FER1L5: variants seen among roughly 807,000 people sequenced by gnomAD.
The protein encoded by FER1L5 is fer-1 like family member 5.
A neutral mutation model predicts 279.9 loss-of-function variants in FER1L5; 187 were observed. That is an observed-to-expected ratio of 0.67 (90% confidence interval 0.59 to 0.75). The LOEUF is 0.75. Among genes scored for constraint, FER1L5 ranks in the 30% least tolerant of loss-of-function variants. The probability of loss-of-function intolerance (pLI) is 0.00; values close to 1 mark genes in which losing one functional copy is unlikely to be tolerated. For missense variants in FER1L5, 2,091 were observed against 2,594.4 expected (o/e 0.81, Z 4.21); for synonymous variants, 921 against 989.7 (o/e 0.93, Z 1.30).
intron 9 of FER1L5, chr2:96,654,770 G>A: frequency 5.4e-6 from 1 of 186,622 alleles, no homozygotes; most frequent in Non-Finnish European, 1.1e-5. Flanking sequence ...GAGGTGGCGG[G>A]TGCCTGTAGT....
rs574706332 is a variant in FER1L5 at position 96,698,104 on chromosome 2, A to G, written c.4304A>G (p.Lys1435Arg). 1.3e-6 allele frequency: 2 copies of G among 1,587,880 alleles called. No individual in the cohort carries two copies. The highest frequency in any genetic ancestry group is 2.3e-5 in the East Asian group (1 of 43,344). ...CTGCAGGACTTCTGCCAGACCTTCA[A>G]ACTCTACCAGGAGCAGCCCAAGTTG... ...QGLQDFCQTF[K>R]LYQEQPKLDS... Residue 1435 changes from lysine (K) to arginine (R), a missense_variant, in exon 40 of 53, where the codon AAA (lysine) becomes AGA (arginine). By Grantham distance (26) the Lys-to-Arg change is conservative. Transcript: ENST00000624922. The surrounding 1 kb of genome is among the most constrained non-coding windows in gnomAD (Gnocchi z 5.5).
At chr2:96,656,519 A>G (rs1469821632) in intron 9 of FER1L5, among the ~76,000 whole-genome samples, 1 of 152,182 alleles carries the variant, frequency 6.6e-6, no homozygotes, top group Non-Finnish European at 1.5e-5. Context: ...AATCCCAGCT[A>G]CTCATGAGGC....
rs548455315 is a variant in FER1L5, at chr2:96,662,475, C to T, written c.1071+208C>T. Among the ~76,000 whole-genome samples, 21 of 152,214 alleles carry T rather than the reference C, an allele frequency of 1.4e-4. 1 individual carries two copies. Among genetic ancestry groups the T allele is most frequent in the African/African-American group, 4.6e-4 (19 of 41,544 alleles). On this transcript the variant is annotated intron_variant, in intron 13 of 52. Transcript: ENST00000624922. ...AGATGCCCCCCAAAAACCAAATACACGTGGAAGAATGAGTGCGTGAATGAA... is the reference window on the plus strand; with the variant it reads ...AGATGCCCCCCAAAAACCAAATACATGTGGAAGAATGAGTGCGTGAATGAA...
chr2:96,657,022 G>A (rs2075624213), intron 9 of FER1L5, among the ~76,000 whole-genome samples: 1 of 150,932 alleles, frequency 6.6e-6, no homozygotes, highest in African/African-American at 2.4e-5. Context: ...TTCATTGGGA[G>A]TGACTGAATT....
At chr2:96,651,349 T>G (rs1227718626) in intron 6 of FER1L5, among the ~76,000 whole-genome samples, 5 of 151,304 alleles carry the variant, frequency 3.3e-5, no homozygotes, top group Non-Finnish European at 7.4e-5. Context: ...CTTCTTTCTT[T>G]CTTTTTCTTT....
intron 14 of FER1L5, among the ~76,000 whole-genome samples, chr2:96,665,546 G>A (rs1349006099): frequency 1.3e-5 from 2 of 151,886 alleles, no homozygotes; most frequent in African/African-American, 4.8e-5. Context: ...ATGTTCTGTG[G>A]CTGTTCAGAG....
At position 96,661,438 on chromosome 2, in the gene FER1L5, C is replaced by T. The variant is rs765462572; in HGVS notation, c.892C>T (p.Leu298=). 3.9e-6 allele frequency: 6 copies of T among 1,551,218 alleles called. No individual in the cohort carries two copies. The South Asian group carries it at 4.8e-5, about 12-fold the overall frequency. Residue 298 remains leucine (L), a splice_region_variant and synonymous_variant, in exon 11 of 53, where the codon CTG becomes TTG. Transcript: ENST00000624922. ...IYALGVGDQA[L]IDQKLLYGTD... The stretch of plus-strand genomic sequence containing the variant: ...TGCCCTCGGTGTGGGAGACCAGGCC[C>T]TGGTGAGCTGCCCCTAACCCCGGAA...
rs577416836 is a variant in FER1L5, at chr2:96,669,403, G to A, written c.1362+266G>A. Among the ~76,000 whole-genome samples, 10 of 152,338 alleles carry A rather than the reference G, an allele frequency of 6.6e-5. No individual in the cohort carries two copies. The South Asian group carries it at 2.1e-3, about 32-fold the overall frequency. ...GTAAGATTTTCAGCAGGTGGGAAGG[G>A]CGCGAAGGACGGAGGACACAGCACA... On this transcript the variant is annotated intron_variant, in intron 17 of 52. Coordinates refer to ENST00000624922, the MANE Select transcript of FER1L5 (RefSeq NM_001293083.2).
chr2:96,702,427 C>G lies in FER1L5; in HGVS notation c.5255+26C>G, dbSNP rs762931751. The G allele has an allele frequency of 6.3e-7, 1 of 1,589,702 alleles. No individual in the cohort carries two copies. Among genetic ancestry groups the G allele is most frequent in the Non-Finnish European group, 8.6e-7 (1 of 1,168,486 alleles). On this transcript the variant is annotated intron_variant, in intron 47 of 52. Coordinates refer to ENST00000624922, the MANE Select transcript of FER1L5 (RefSeq NM_001293083.2). The surrounding 1 kb of genome is among the most constrained non-coding windows in gnomAD (Gnocchi z 4.0). ...GTAGGGAAGAGGAGTCAGGCTCCGG[C>G]AGAGCCCCTCAGTTCCCCAGTTCTG...
At position 96,703,092 on chromosome 2, in the gene FER1L5, C is replaced by G; in HGVS notation, c.5497+15C>G. ...CGACTTCCTAGGTGAGGTCCTGACA[C>G]AGGGCTTGTGACCACAGGACAGGGA... On this transcript the variant is annotated intron_variant, in intron 49 of 52. Transcript: ENST00000624922. 6.2e-7 allele frequency: 1 copy of G among 1,613,764 alleles called. No individual in the cohort carries two copies.
intron 23 of FER1L5, among the ~76,000 whole-genome samples, chr2:96,686,915 G>A (rs1351775895): frequency 1.3e-5 from 2 of 151,020 alleles, no homozygotes; most frequent in Non-Finnish European, 2.9e-5. Context: ...CATCCTCATG[G>A]CCACCATTTG....
At chr2:96,650,031 C>A in intron 5 of FER1L5, 149 bp from the exon 6 acceptor site, 1 of 659,860 alleles carries the variant, frequency 1.5e-6, no homozygotes, top group Non-Finnish European at 2.7e-6. Context: ...TGGTAATGTT[C>A]TGGGGAGGAC....
Position 96,686,292 on chromosome 2 carries a change from C to A in FER1L5, c.2171C>A (p.Pro724Gln), listed in dbSNP as rs1316538799. Residue 724 changes from proline to glutamine, a missense_variant, in exon 23 of 53, where the codon CCG becomes CAG. Pro to Gln is a moderately conservative substitution (Grantham distance 76, BLOSUM62 -1). Coordinates refer to ENST00000624922, the MANE Select transcript of FER1L5 (RefSeq NM_001293083.2). ...QVPAHSVLFSPAGALHSGRLC... is the reference protein window; with the variant it reads ...QVPAHSVLFSQAGALHSGRLC... The stretch of plus-strand genomic sequence containing the variant: ...CCTGCCCACTCCGTCCTCTTCTCCC[C>A]GGCAGGGGCTCTGCACTCCGGCAGG... 6.4e-7 allele frequency: 1 copy of A among 1,551,592 alleles called. No homozygotes were observed. The highest frequency in any genetic ancestry group is 1.2e-5 in the South Asian group (1 of 84,058).
In FER1L5 at chr2:96,702,425, G is replaced by A. The variant is rs754121147; in HGVS notation, c.5255+24G>A. 3.3e-5 allele frequency: 52 copies of A among 1,595,072 alleles called. No individual in the cohort carries two copies. The highest frequency in any genetic ancestry group is 3.9e-5 in the Non-Finnish European group (46 of 1,171,228). On this transcript the variant is annotated intron_variant, in intron 47 of 52. Coordinates refer to ENST00000624922, the MANE Select transcript of FER1L5 (RefSeq NM_001293083.2). The surrounding 1 kb of genome is among the most constrained non-coding windows in gnomAD (Gnocchi z 4.0). Reference sequence around the variant, plus strand: ...GGGTAGGGAAGAGGAGTCAGGCTCCGGCAGAGCCCCTCAGTTCCCCAGTTC... The same window carrying A: ...GGGTAGGGAAGAGGAGTCAGGCTCCAGCAGAGCCCCTCAGTTCCCCAGTTC...
rs529198252 is a variant in FER1L5 at position 96,651,691 on chromosome 2, C to T, written c.505-201C>T. 1.8e-4 allele frequency among the ~76,000 whole-genome samples: 28 copies of T among 152,020 alleles called. No homozygotes were observed. In the East Asian group the frequency reaches 3.9e-3, roughly 21 times the overall value. On this transcript the variant is annotated intron_variant, in intron 6 of 52. Transcript: ENST00000624922. Reference sequence around the variant, plus strand: ...AATTTTTTTGTAATTTTTGTAGAGACGGGGTTTTGCCATGTTGCCCAGTCA... The same window carrying T: ...AATTTTTTTGTAATTTTTGTAGAGATGGGGTTTTGCCATGTTGCCCAGTCA...
chr2:96,655,464 GT>G (rs2075561240), intron 9 of FER1L5, among the ~76,000 whole-genome samples: 1 of 152,170 alleles, frequency 6.6e-6, no homozygotes, highest in Non-Finnish European at 1.5e-5. Flanking sequence ...TATTAAGAAA[GT>G]AGTCATTGTT....
chr2:96,695,337 G>A (rs574269566), intron 34 of FER1L5, 172 bp from the exon 35 acceptor site: 12 of 837,930 alleles, frequency 1.4e-5, no homozygotes, highest in African/African-American at 3.5e-5. Flanking sequence ...CTCACAGGAC[G>A]GGGAAGCCTG....
In FER1L5 at chr2:96,661,389, A is replaced by G; in HGVS notation, c.843A>G (p.Thr281=). 1 of 1,551,692 alleles carries G rather than the reference A, an allele frequency of 6.4e-7. No homozygotes were observed. Among genetic ancestry groups the G allele is most frequent in the Non-Finnish European group, 8.7e-7 (1 of 1,146,980 alleles). The change falls in exon 11 of 53, where the codon ACA becomes ACG. Residue 281 remains threonine (T), a synonymous_variant. Transcript: ENST00000624922. ...CAAATAACCCTGGCAGTGGTGTGAC[A>G]GGCTACCTGAAAGTCACCATCTATG... ...CQPNNPGSGV[T]GYLKVTIYAL...
At position 96,694,224 on chromosome 2, in the gene FER1L5, C is replaced by A; in HGVS notation, c.3637-136C>A. On this transcript the variant is annotated intron_variant, in intron 33 of 52. Coordinates refer to ENST00000624922, the MANE Select transcript of FER1L5 (RefSeq NM_001293083.2). This position sits in a 1 kb window ranked among gnomAD's most constrained non-coding sequence, Gnocchi z 4.6. ...GCTTGGTGACGCTGGCCTGACCAGC[C>A]TCTCCCCTAAGTCCCCCTGCCAGCC... 7.6e-7 allele frequency: 1 copy of A among 1,318,670 alleles called. No individual in the cohort carries two copies. The highest frequency in any genetic ancestry group is 1.0e-6 in the Non-Finnish European group (1 of 986,134). The allele number at this position is 1,318,670 out of a possible 1,614,324, so 81.7% of individuals were successfully genotyped here.
Sources: allele counts gnomAD v4.1 joint callset (sites outside exome capture counted in the v4.1 genomes callset), GRCh38; gene constraint gnomAD v4.1.1; non-coding constraint Gnocchi (gnomAD v3.1); transcripts MANE v1.5; gene names NCBI Gene and HGNC (gene_info 2026-07-23, HGNC 2026-07-21).